PREX1: variants seen among roughly 807,000 people sequenced by gnomAD.
PREX1 encodes phosphatidylinositol 3,4,5-trisphosphate-dependent Rac exchanger 1 protein.
In PREX1, 41 loss-of-function variants were observed where a neutral mutation model predicts 198.3. The observed-to-expected ratio is 0.21, with a 90% CI of 0.16 to 0.27. The LOEUF (loss-of-function observed/expected upper bound fraction) is 0.27, where lower values mean the gene tolerates loss of function less well. PREX1 is among the 10% of genes least tolerant of loss of function. The pLI, the probability that PREX1 is intolerant of heterozygous loss-of-function variation, is 1.00. For missense variants in PREX1, 1,620 were observed against 2,200.7 expected (o/e 0.74, Z 5.28); for synonymous variants, 843 against 887.2 (o/e 0.95, Z 0.89).
intron 1 of PREX1, among the ~76,000 whole-genome samples, chr20:48,792,817 TACACACACACACACAC>T (rs372512250): frequency 7.0e-5 from 8 of 113,548 alleles, no homozygotes; most frequent in Non-Finnish European, 1.4e-4. Flanking sequence ...AAAAAAAAAA[TACACACACACACACAC>T]ACACACACAC....
the PREX1 span, among the ~76,000 whole-genome samples, chr20:48,868,298 A>C: frequency 6.6e-6 from 1 of 152,124 alleles, no homozygotes; most frequent in Non-Finnish European, 1.5e-5. Context: ...GGAATGCTAC[A>C]TCATCTATAC....
chr20:48,874,791 C>T, the PREX1 span, among the ~76,000 whole-genome samples: 3 of 151,550 alleles, frequency 2.0e-5, no homozygotes, highest in African/African-American at 4.8e-5. Flanking sequence ...GCAGGAGGAT[C>T]ACTTGAACCC....
chr20:48,794,880 C>T (rs950848093), intron 1 of PREX1, among the ~76,000 whole-genome samples: 2 of 152,148 alleles, frequency 1.3e-5, no homozygotes, highest in African/African-American at 2.4e-5. Flanking sequence ...GGCACAGAAG[C>T]GAGCCACTGC....
chr20:48,652,453 A>G (rs1331039725), intron 21 of PREX1, 133 bp downstream of exon 21: 22 of 1,326,464 alleles, frequency 1.7e-5, no homozygotes, highest in Non-Finnish European at 2.1e-5. Flanking sequence ...AAAGGAAAAA[A>G]AAAACAAACC....
At chr20:48,813,831 A>AC in intron 1 of PREX1, among the ~76,000 whole-genome samples, 1 of 152,258 alleles carries the variant, frequency 6.6e-6, no homozygotes, top group Non-Finnish European at 1.5e-5. Flanking sequence ...GTATACACAC[A>AC]AAATATCATT....
chr20:48,778,764 G>A (rs376171614), intron 1 of PREX1, among the ~76,000 whole-genome samples: 61 of 152,322 alleles, frequency 4.0e-4, no homozygotes, highest in African/African-American at 1.3e-3. Context: ...AGAAAGGACA[G>A]TCTTTTAAAC....
intron 19 of PREX1, among the ~76,000 whole-genome samples, chr20:48,654,668 G>T (rs1206367267): frequency 1.3e-5 from 2 of 152,182 alleles, no homozygotes; most frequent in African/African-American, 4.8e-5. Flanking sequence ...CATGGTATGC[G>T]TTTTCTTAAT....
At chr20:48,770,341 G>A (rs552921782) in intron 1 of PREX1, among the ~76,000 whole-genome samples, 1 of 152,284 alleles carries the variant, frequency 6.6e-6, no homozygotes, top group South Asian at 2.1e-4. Context: ...ACACGAACCC[G>A]AGAATGGGCA....
At chr20:48,657,014 C>T (rs1262089180) in intron 18 of PREX1, 26 bp downstream of exon 18, 9 of 1,562,558 alleles carry the variant, frequency 5.8e-6, no homozygotes, top group South Asian at 2.3e-5. Flanking sequence ...GGAGGGCTGC[C>T]GGACACCCCG....
intron 1 of PREX1, among the ~76,000 whole-genome samples, chr20:48,801,480 G>A (rs117710190): frequency 6.6e-6 from 1 of 152,164 alleles, no homozygotes; most frequent in Non-Finnish European, 1.5e-5. Context: ...CTGCGACAGA[G>A]TCCCTTCTGG....
At chr20:48,728,993 C>T (rs2090021636) in intron 4 of PREX1, among the ~76,000 whole-genome samples, 1 of 152,158 alleles carries the variant, frequency 6.6e-6, no homozygotes, top group Non-Finnish European at 1.5e-5. Context: ...TCCCAACCTC[C>T]TAATGGCAGC....
At chr20:48,656,280 C>T (rs1225409125) in intron 18 of PREX1, among the ~76,000 whole-genome samples, 1 of 152,188 alleles carries the variant, frequency 6.6e-6, no homozygotes, top group Admixed American at 6.5e-5. Context: ...CCCACCCCTG[C>T]TCTCGCACTC....
chr20:48,825,738 T>C (rs1292053614), intron 1 of PREX1, among the ~76,000 whole-genome samples: 1 of 151,790 alleles, frequency 6.6e-6, no homozygotes, highest in African/African-American at 2.4e-5. Flanking sequence ...CAGAGGAGCA[T>C]GGAGTGGCTC....
chr20:48,853,231 A>G, the PREX1 span, among the ~76,000 whole-genome samples: 1 of 152,250 alleles, frequency 6.6e-6, no homozygotes, highest in African/African-American at 2.4e-5. Flanking sequence ...GACCATCAGA[A>G]AAGCTGAGCT....
At chr20:48,832,361 C>A (rs1322803172), upstream of PREX1, among the ~76,000 whole-genome samples, 2 of 152,278 alleles carry the variant, frequency 1.3e-5, no homozygotes, top group African/African-American at 4.8e-5. Flanking sequence ...GATTTGAAGG[C>A]CCCCTTCCCA....
chr20:48,651,512 C>A lies in PREX1; in HGVS notation c.2539G>T (p.Asp847Tyr). 1 of 1,614,234 alleles carries A rather than the reference C, an allele frequency of 6.2e-7. No homozygotes were observed. The highest frequency in any genetic ancestry group is 2.2e-5 in the East Asian group (1 of 44,882). ...ACGCCGTGTTCCAGGTGCACGTTGT[C>A]CACAGTCAGGGTGACCATGGGGCTG... Reference protein sequence around the residue: ...EDSPMVTLTVDNVHLEHGVVY... With the variant: ...EDSPMVTLTVYNVHLEHGVVY... Residue 847 changes from aspartate to tyrosine, a missense_variant, in exon 22 of 40, where the codon GAC becomes TAC. Coordinates refer to ENST00000371941, the MANE Select transcript of PREX1 (RefSeq NM_020820.4).
intron 3 of PREX1, 117 bp downstream of exon 3, chr20:48,744,908 C>G: frequency 7.3e-7 from 1 of 1,365,196 alleles, no homozygotes; most frequent in South Asian, 1.4e-5. Flanking sequence ...ACCTTGCTAC[C>G]CCATCTCCCA....
intron 1 of PREX1, among the ~76,000 whole-genome samples, chr20:48,795,833 A>G (rs1568867172): frequency 6.6e-6 from 1 of 152,190 alleles, no homozygotes; most frequent in Non-Finnish European, 1.5e-5. Context: ...ATTTGAACCC[A>G]GGAGCTCAGC....
At chr20:48,799,323 G>A (rs1451683810) in intron 1 of PREX1, among the ~76,000 whole-genome samples, 2 of 152,162 alleles carry the variant, frequency 1.3e-5, no homozygotes, top group Non-Finnish European at 2.9e-5. Context: ...GCCCCTCACA[G>A]TCCCCAAGTG....
Sources: gnomAD v4.1 joint callset for allele counts (sites outside exome capture counted in the v4.1 genomes callset) on GRCh38, gnomAD v4.1.1 for gene constraint, MANE v1.5 for transcripts, NCBI Gene and HGNC (gene_info 2026-07-23, HGNC 2026-07-21) for gene names.